TANC2: variants seen among roughly 807,000 people sequenced by gnomAD.
TANC2 encodes the protein tetratricopeptide repeat, ankyrin repeat and coiled-coil containing 2.
Under a neutral mutation model 210.5 loss-of-function variants are expected in TANC2, and 26 were observed. The observed-to-expected ratio is 0.12, with a 90% CI of 0.09 to 0.17. The LOEUF is 0.17. Among genes scored for constraint, TANC2 ranks in the 10% least tolerant of loss-of-function variants. The pLI is 1.00. For missense variants in TANC2, 2,129 were observed against 2,608.9 expected (o/e 0.82, Z 4.01); for synonymous variants, 931 against 967.1 (o/e 0.96, Z 0.69).
At chr17:63,044,584 A>G (rs1041620373) in intron 2 of TANC2, among the ~76,000 whole-genome samples, 1 of 152,104 alleles carries the variant, frequency 6.6e-6, no homozygotes, top group Admixed American at 6.6e-5. Flanking sequence ...TTACCCACAC[A>G]TTAGTTTTTC....
intron 2 of TANC2, among the ~76,000 whole-genome samples, chr17:63,063,489 T>G (rs1461454517): frequency 6.6e-6 from 1 of 150,448 alleles, no homozygotes; most frequent in East Asian, 2.0e-4. Flanking sequence ...CCCAGGAAAT[T>G]CCAAAAGATT....
At chr17:63,079,745 G>T (rs1187301033) in intron 3 of TANC2, among the ~76,000 whole-genome samples, 1 of 152,104 alleles carries the variant, frequency 6.6e-6, no homozygotes, top group Non-Finnish European at 1.5e-5. Flanking sequence ...TTGTCTGTTG[G>T]ACTGTGCCAA....
chr17:63,200,680 T>G (rs975860778), intron 6 of TANC2, 91 bp from the exon 7 acceptor site: 3 of 1,203,456 alleles, frequency 2.5e-6, no homozygotes, highest in Non-Finnish European at 3.5e-6. Context: ...TGCATGTAGT[T>G]TTTTTTTTCA....
At chr17:63,120,814 A>C (rs1598427951) in intron 4 of TANC2, 2 of 46,726 alleles carry the variant, frequency 4.3e-5, no homozygotes, top group South Asian at 8.0e-4. Context: ...ACCCTGTCTC[A>C]AAAAAAAAAA....
In TANC2 at chr17:63,318,876, A is replaced by G. The variant is rs564604783; in HGVS notation, c.1442-81A>G. 5.3e-5 allele frequency: 79 copies of G among 1,503,980 alleles called. 1 individual carries two copies. The highest frequency in any genetic ancestry group is 4.9e-4 in the Admixed American group (27 of 54,952). 93.2% of individuals were successfully genotyped at this position (1,503,980 alleles called of 1,614,324 possible). ...TACTTAGGAGCAGAATTGTTAGATC[A>G]TAGAACAAATGGAATTTAGCCATTT... On this transcript the variant is annotated intron_variant, in intron 10 of 27. Transcript: ENST00000689528.
At chr17:63,032,628 C>G (rs948162944) in intron 2 of TANC2, among the ~76,000 whole-genome samples, 1 of 151,952 alleles carries the variant, frequency 6.6e-6, no homozygotes, top group Admixed American at 6.6e-5. Context: ...CTTAGTCTTA[C>G]TTTTTAATTT....
chr17:63,307,515 G>A (rs2044961093), intron 9 of TANC2, among the ~76,000 whole-genome samples: 1 of 152,020 alleles, frequency 6.6e-6, no homozygotes, highest in Admixed American at 6.6e-5. Context: ...CATTTCAGTG[G>A]CCTACATAAA....
chr17:62,984,912 G>T (rs1337520430), intron 1 of TANC2, among the ~76,000 whole-genome samples: 1 of 152,160 alleles, frequency 6.6e-6, no homozygotes, highest in Non-Finnish European at 1.5e-5. Context: ...CTGTTGAAAA[G>T]AATGTGTATT....
chr17:63,265,123 T>G (rs2043484490), intron 8 of TANC2, among the ~76,000 whole-genome samples: 1 of 152,198 alleles, frequency 6.6e-6, no homozygotes, highest in African/African-American at 2.4e-5. Context: ...GGTGAAAGCT[T>G]CTGCTTAGAA....
intron 5 of TANC2, among the ~76,000 whole-genome samples, chr17:63,172,260 C>T (rs1440281323): frequency 6.7e-6 from 1 of 150,014 alleles, no homozygotes; most frequent in East Asian, 2.0e-4. Context: ...GACACATTCT[C>T]AACCCCCGCC....
At chr17:63,352,850 A>T (rs1004316773) in intron 13 of TANC2, among the ~76,000 whole-genome samples, 1 of 152,116 alleles carries the variant, frequency 6.6e-6, no homozygotes, top group Non-Finnish European at 1.5e-5. Context: ...GGGGCTGGAG[A>T]TTCAAAATGA....
At chr17:63,005,387 C>A (rs993387933) in intron 1 of TANC2, among the ~76,000 whole-genome samples, 1 of 151,884 alleles carries the variant, frequency 6.6e-6, no homozygotes, top group Non-Finnish European at 1.5e-5. Context: ...AATGCCCAAG[C>A]CTTTTTGTTG....
chr17:63,062,798 T>C (rs1042508213), intron 2 of TANC2, among the ~76,000 whole-genome samples: 24 of 152,230 alleles, frequency 1.6e-4, no homozygotes, highest in African/African-American at 5.3e-4. Context: ...ATTCTTCTAC[T>C]ATACTCTTCA....
chr17:63,271,987 G>A (rs899205318), intron 9 of TANC2, among the ~76,000 whole-genome samples: 10 of 151,946 alleles, frequency 6.6e-5, no homozygotes, highest in Non-Finnish European at 1.3e-4. Flanking sequence ...GCTTTTGTTG[G>A]AATTGCTTTT....
At chr17:63,177,810 CAT>C (rs1344072560) in intron 5 of TANC2, among the ~76,000 whole-genome samples, 1 of 152,192 alleles carries the variant, frequency 6.6e-6, no homozygotes, top group Non-Finnish European at 1.5e-5. Flanking sequence ...TGTACAGGCA[CAT>C]TTCAAGCCTC....
intron 7 of TANC2, among the ~76,000 whole-genome samples, chr17:63,225,023 T>C (rs1446230679): frequency 6.6e-6 from 1 of 152,190 alleles, no homozygotes; most frequent in East Asian, 1.9e-4. Flanking sequence ...GATTTAAACA[T>C]GATCAAGTCT....
intron 1 of TANC2, among the ~76,000 whole-genome samples, chr17:62,994,118 C>T (rs904943102): frequency 4.0e-5 from 6 of 151,852 alleles, no homozygotes; most frequent in Non-Finnish European, 7.4e-5. Flanking sequence ...ATTTCTTTTT[C>T]TGCCTAATTG....
chr17:63,319,425 G>GC (rs370677358), intron 11 of TANC2, among the ~76,000 whole-genome samples: 8 of 152,186 alleles, frequency 5.3e-5, no homozygotes, highest in African/African-American at 1.9e-4. Flanking sequence ...GCTCACTGCA[G>GC]CCTCCACTTC....
chr17:63,103,523 A>AGT (rs145401202), intron 4 of TANC2, among the ~76,000 whole-genome samples: 2,334 of 152,304 alleles, frequency 0.015, 22 homozygotes, highest in Middle Eastern at 0.027. Context: ...CCCAGCTCTG[A>AGT]GTGTCACGTC....
Sources: allele counts gnomAD v4.1 joint callset (sites outside exome capture counted in the v4.1 genomes callset), GRCh38; gene constraint gnomAD v4.1.1; transcripts MANE v1.5; gene names NCBI Gene and HGNC (gene_info 2026-07-23, HGNC 2026-07-21).